NUBPL: variants seen among roughly 807,000 people sequenced by gnomAD.
NUBPL encodes the protein NUBP iron-sulfur cluster assembly factor, mitochondrial.
In NUBPL, 31 loss-of-function variants were observed where a neutral mutation model predicts 45.7. That is an observed-to-expected ratio of 0.68 (90% CI 0.51 to 0.92). NUBPL has a LOEUF of 0.92. NUBPL is among the 40% of genes least tolerant of loss of function. The pLI, the probability that NUBPL is intolerant of heterozygous loss-of-function variation, is 0.00. For missense variants in NUBPL, 401 were observed against 398.7 expected, an observed-to-expected ratio of 1.01 and a Z score of -0.05; for synonymous variants, 144 against 140.9, an observed-to-expected ratio of 1.02 and a Z score of -0.15.
chr14:31,656,062 C>T (rs1332365255), intron 4 of NUBPL, among the ~76,000 whole-genome samples: 2 of 152,196 alleles, frequency 1.3e-5, no homozygotes, highest in Non-Finnish European at 2.9e-5. Context: ...CTTGCTTCTT[C>T]ACCTTGTACT....
At chr14:31,680,521 A>G (rs935238877) in intron 6 of NUBPL, among the ~76,000 whole-genome samples, 1 of 151,990 alleles carries the variant, frequency 6.6e-6, no homozygotes, top group African/African-American at 2.4e-5. Context: ...TAATTTGGTT[A>G]TTTATTCTCA....
chr14:31,629,510 AGACAGTGG>A (rs1159641135), intron 4 of NUBPL, among the ~76,000 whole-genome samples: 1 of 152,216 alleles, frequency 6.6e-6, no homozygotes, highest in African/African-American at 2.4e-5. Flanking sequence ...TAATTAACTA[AGACAGTGG>A]AGTCATGTTG....
chr14:31,826,590 G>T, intron 7 of NUBPL, 39 bp from the exon 8 acceptor site: 1 of 1,561,040 alleles, frequency 6.4e-7, no homozygotes, highest in South Asian at 1.1e-5. Flanking sequence ...TCTCCATAGA[G>T]AATTAAAAGA....
chr14:31,832,848 T>G (rs770127526), intron 8 of NUBPL, among the ~76,000 whole-genome samples: 5 of 152,322 alleles, frequency 3.3e-5, no homozygotes, highest in Admixed American at 2.0e-4. Context: ...TCAATCATCA[T>G]ATGGGAATCA....
intron 6 of NUBPL, among the ~76,000 whole-genome samples, chr14:31,756,816 A>C (rs1424013424): frequency 6.6e-6 from 1 of 151,976 alleles, no homozygotes; most frequent in Non-Finnish European, 1.5e-5. Flanking sequence ...TTGCCCATTC[A>C]GTATGATATT....
At chr14:31,731,610 G>A (rs1342530421) in intron 6 of NUBPL, among the ~76,000 whole-genome samples, 1 of 152,174 alleles carries the variant, frequency 6.6e-6, no homozygotes, top group Non-Finnish European at 1.5e-5. Flanking sequence ...AGAACAGTTT[G>A]TTCATTATAA....
chr14:31,662,429 A>G (rs925461214), intron 4 of NUBPL, among the ~76,000 whole-genome samples: 4 of 151,972 alleles, frequency 2.6e-5, no homozygotes, highest in Admixed American at 6.6e-5. Flanking sequence ...TTTAAGCCCC[A>G]CATGCTTTAG....
intron 4 of NUBPL, among the ~76,000 whole-genome samples, chr14:31,643,959 C>T (rs527444018): frequency 5.0e-4 from 76 of 151,840 alleles, no homozygotes; most frequent in Non-Finnish European, 1.1e-3. Flanking sequence ...TTAAATGATT[C>T]TTTGTATTTC....
chr14:31,713,209 T>G (rs1291842292), intron 6 of NUBPL, among the ~76,000 whole-genome samples: 1 of 152,226 alleles, frequency 6.6e-6, no homozygotes, highest in Non-Finnish European at 1.5e-5. Flanking sequence ...CTTTTTAGTT[T>G]CTTCCCTTTC....
At chr14:31,781,989 T>C (rs904028562) in intron 6 of NUBPL, among the ~76,000 whole-genome samples, 2 of 152,210 alleles carry the variant, frequency 1.3e-5, no homozygotes, top group Middle Eastern at 3.2e-3. Flanking sequence ...TGTTTCTGTT[T>C]CCTTTCTAAA....
chr14:31,683,855 CAT>C (rs2036894467), intron 6 of NUBPL, among the ~76,000 whole-genome samples: 1 of 151,978 alleles, frequency 6.6e-6, no homozygotes. Context: ...ATTTTCACTG[CAT>C]ATAGAATTTT....
intron 6 of NUBPL, among the ~76,000 whole-genome samples, chr14:31,779,294 C>T (rs11844380): frequency 0.033 from 4,943 of 151,546 alleles, 254 homozygotes; most frequent in African/African-American, 0.11. Context: ...GCCGAGATGG[C>T]GCCATTGCAC....
chr14:31,735,908 G>T (rs1423257398), intron 6 of NUBPL, among the ~76,000 whole-genome samples: 1 of 152,108 alleles, frequency 6.6e-6, no homozygotes, highest in Non-Finnish European at 1.5e-5. Context: ...CATATTACTT[G>T]TTTGTCATTT....
At chr14:31,848,445 G>A (rs918990147) in intron 9 of NUBPL, among the ~76,000 whole-genome samples, 6 of 152,080 alleles carry the variant, frequency 3.9e-5, no homozygotes, top group African/African-American at 9.7e-5. Context: ...TAATTCAGTG[G>A]GTCGTGTTTT....
chr14:31,631,730 A>G (rs1048668246), intron 4 of NUBPL, among the ~76,000 whole-genome samples: 1 of 152,080 alleles, frequency 6.6e-6, no homozygotes, highest in African/African-American at 2.4e-5. Context: ...AAGCTCAAAG[A>G]TAGGCAGAGA....
At chr14:31,851,667 G>C (rs8005547) in intron 10 of NUBPL, among the ~76,000 whole-genome samples, 39,857 of 151,800 alleles carry the variant, frequency 0.26, 7,920 homozygotes, top group African/African-American at 0.56. Flanking sequence ...TTATCATCTT[G>C]GTAATTAAAG....
At chr14:31,811,510 C>A (rs188305054) in intron 7 of NUBPL, among the ~76,000 whole-genome samples, 12 of 152,270 alleles carry the variant, frequency 7.9e-5, no homozygotes, top group African/African-American at 2.9e-4. Flanking sequence ...ATTCAGTTAG[C>A]CATTCGTCTA....
chr14:31,568,226 G>A (rs976768988), intron 3 of NUBPL, among the ~76,000 whole-genome samples: 3 of 152,018 alleles, frequency 2.0e-5, no homozygotes, highest in Non-Finnish European at 4.4e-5. Context: ...TGTAGGTGTG[G>A]ACCTCTTTTA....
chr14:31,859,381 T>G lies in NUBPL; in HGVS notation c.*201T>G. The G allele has an allele frequency of 1.7e-6, 1 of 590,060 alleles. No individual in the cohort carries two copies. Among genetic ancestry groups the G allele is most frequent in the South Asian group, 2.0e-5 (1 of 50,508 alleles). The allele number at this position is 590,060 out of a possible 1,614,324, so 36.6% of individuals were successfully genotyped here. On this transcript the variant is annotated 3_prime_UTR_variant, in exon 11 of 11. Transcript: ENST00000281081. Reference sequence around the variant, plus strand: ...AATGTTAACTGCTATATTTAGGAATTTTTTGAAAGCTGGTGTGTACCACCT... The same window carrying G: ...AATGTTAACTGCTATATTTAGGAATGTTTTGAAAGCTGGTGTGTACCACCT...
Sources: allele counts gnomAD v4.1 joint callset (sites outside exome capture counted in the v4.1 genomes callset), GRCh38; gene constraint gnomAD v4.1.1; transcripts MANE v1.5; gene names NCBI Gene and HGNC (gene_info 2026-07-23, HGNC 2026-07-21).